Variants in PDSS2 observed in about 807,000 individuals in gnomAD.
PDSS2 encodes decaprenyl diphosphate synthase subunit 2.
In PDSS2, 31 loss-of-function variants were observed where a neutral mutation model predicts 44.5. That is an observed-to-expected ratio of 0.70 (90% CI 0.52 to 0.94). The LOEUF (loss-of-function observed/expected upper bound fraction) is 0.94, where lower values mean the gene tolerates loss of function less well. PDSS2 is among the 40% of genes least tolerant of loss of function. The pLI is 0.00. For missense variants in PDSS2, 452 were observed against 482.2 expected (o/e 0.94, Z 0.59); for synonymous variants, 157 against 180.3 (o/e 0.87, Z 1.03).
intron 7 of PDSS2, among the ~76,000 whole-genome samples, chr6:107,178,372 T>C (rs1771865160): frequency 6.6e-6 from 1 of 152,206 alleles, no homozygotes; most frequent in Non-Finnish European, 1.5e-5. Context: ...CTTCCAAATG[T>C]AGGAGGTCTC....
intron 6 of PDSS2, among the ~76,000 whole-genome samples, chr6:107,198,773 T>G (rs2114557012): frequency 6.6e-6 from 1 of 150,884 alleles, no homozygotes; most frequent in East Asian, 2.0e-4. Context: ...TTGGGCAACA[T>G]GGTGAGAAAC....
At chr6:107,446,371 A>G (rs1040200324) in intron 1 of PDSS2, among the ~76,000 whole-genome samples, 1 of 152,060 alleles carries the variant, frequency 6.6e-6, no homozygotes, top group South Asian at 2.1e-4. Context: ...CAGAAACACT[A>G]CAGAGTCCCA....
At chr6:107,157,907 G>A (rs1405143982) in intron 7 of PDSS2, among the ~76,000 whole-genome samples, 1 of 151,690 alleles carries the variant, frequency 6.6e-6, no homozygotes, top group Non-Finnish European at 1.5e-5. Flanking sequence ...TCCTGACCTC[G>A]TGATCTGCCT....
chr6:107,210,138 C>T (rs188355505), intron 6 of PDSS2, among the ~76,000 whole-genome samples: 1 of 151,998 alleles, frequency 6.6e-6, no homozygotes. Context: ...ATTACCATAG[C>T]CCAATTTTTG....
At chr6:107,304,633 T>C (rs1005118795) in intron 2 of PDSS2, among the ~76,000 whole-genome samples, 2 of 152,216 alleles carry the variant, frequency 1.3e-5, no homozygotes, top group Non-Finnish European at 2.9e-5. Flanking sequence ...CAAAGTGTCA[T>C]GGGGGTTAAA....
intron 1 of PDSS2, among the ~76,000 whole-genome samples, chr6:107,354,099 G>A (rs1347358030): frequency 6.6e-6 from 1 of 152,100 alleles, no homozygotes; most frequent in Non-Finnish European, 1.5e-5. Flanking sequence ...AATTTAGACT[G>A]ATGTAATGAA....
intron 2 of PDSS2, among the ~76,000 whole-genome samples, chr6:107,280,367 G>C (rs1775922413): frequency 6.6e-6 from 1 of 152,100 alleles, no homozygotes; most frequent in South Asian, 2.1e-4. Flanking sequence ...GGGCCCTCAT[G>C]CTAACTCTTG....
chr6:107,169,989 C>T (rs537313241), intron 7 of PDSS2, among the ~76,000 whole-genome samples: 63 of 152,290 alleles, frequency 4.1e-4, no homozygotes, highest in African/African-American at 1.4e-3. Flanking sequence ...GGGAGAACCA[C>T]TACTCTCTTC....
chr6:107,327,708 C>T (rs764103536), intron 2 of PDSS2, among the ~76,000 whole-genome samples: 1 of 152,236 alleles, frequency 6.6e-6, no homozygotes, highest in Admixed American at 6.5e-5. Flanking sequence ...CCACCTGCCT[C>T]GGCCTCCCAA....
At chr6:107,396,927 AGTG>A (rs1779966990) in intron 1 of PDSS2, among the ~76,000 whole-genome samples, 1 of 151,930 alleles carries the variant, frequency 6.6e-6, no homozygotes, top group Non-Finnish European at 1.5e-5. Flanking sequence ...TCCAAGCTCA[AGTG>A]ATCCTCCCAC....
At chr6:107,208,412 T>G (rs1399260232) in intron 6 of PDSS2, among the ~76,000 whole-genome samples, 1 of 147,008 alleles carries the variant, frequency 6.8e-6, no homozygotes, top group Non-Finnish European at 1.5e-5. Context: ...TTCTTGTGCC[T>G]CAGCCACCTG....
Position 107,459,240 on chromosome 6 carries a change from C to T in PDSS2, c.46G>A (p.Ala16Thr), listed in dbSNP as rs2114904501. The stretch of plus-strand genomic sequence containing the variant: ...CACAGGCGACGCGGGGAACCCGAGG[C>T]TCCAAGATAACGTGGCAAGTGCAAC... ...LLLHLPRYLG[A>T]SGSPRRLWWS... Residue 16 changes from alanine to threonine, a missense_variant, in exon 1 of 8, where the codon GCC (alanine) becomes ACC (threonine). Coordinates refer to ENST00000369037, the MANE Select transcript of PDSS2 (RefSeq NM_020381.4). This position sits in a 1 kb window ranked among gnomAD's most constrained non-coding sequence, Gnocchi z 4.3. 6.2e-7 allele frequency: 1 copy of T among 1,614,142 alleles called. No homozygotes were observed. Among genetic ancestry groups the T allele is most frequent in the African/African-American group, 1.3e-5 (1 of 75,040 alleles).
At chr6:107,408,999 G>C (rs1215008874) in intron 1 of PDSS2, among the ~76,000 whole-genome samples, 2 of 152,054 alleles carry the variant, frequency 1.3e-5, no homozygotes, top group Non-Finnish European at 2.9e-5. Flanking sequence ...ATAAGTCAAA[G>C]GCATAAACTG....
intron 1 of PDSS2, among the ~76,000 whole-genome samples, chr6:107,394,797 G>A (rs1253252362): frequency 1.3e-5 from 2 of 151,986 alleles, no homozygotes; most frequent in African/African-American, 2.4e-5. Context: ...ACAATATATT[G>A]CTGGGTTTTT....
chr6:107,423,890 A>C (rs1178735084), intron 1 of PDSS2, among the ~76,000 whole-genome samples: 1 of 151,914 alleles, frequency 6.6e-6, no homozygotes, highest in Non-Finnish European at 1.5e-5. Flanking sequence ...AATTCTACCC[A>C]TTTCCAGCAG....
intron 2 of PDSS2, among the ~76,000 whole-genome samples, chr6:107,280,810 G>C (rs1219569591): frequency 6.6e-6 from 1 of 152,166 alleles, no homozygotes; most frequent in Non-Finnish European, 1.5e-5. Flanking sequence ...GCAGACAAGG[G>C]AGATAAAAGA....
intron 3 of PDSS2, among the ~76,000 whole-genome samples, chr6:107,260,713 G>C (rs1775187507): frequency 6.9e-6 from 1 of 144,758 alleles, no homozygotes; most frequent in East Asian, 2.0e-4. Flanking sequence ...GCCCAGGCTG[G>C]AGTGCAGTGG....
Position 107,211,991 on chromosome 6 carries a change from T to G in PDSS2, c.876+118A>C, listed in dbSNP as rs543617485. ...AACAATCATCCAGGACTGACAGATT[T>G]GAACCACACAATAAGCATTTTTGAA... is the stretch of plus-strand genomic sequence containing the variant. On this transcript the variant is annotated intron_variant, in intron 5 of 7. Transcript: ENST00000369037. 9.8e-5 allele frequency: 82 copies of G among 840,052 alleles called. No individual in the cohort carries two copies. In the East Asian group the frequency reaches 2.0e-3, roughly 20 times the overall value. The allele number at this position is 840,052 out of a possible 1,614,324, so 52.0% of individuals were successfully genotyped here. A position where few individuals can be genotyped will look rare whatever the true frequency, so the allele number is the denominator to read the frequency against.
At chr6:107,300,325 A>C (rs2115059932) in intron 2 of PDSS2, among the ~76,000 whole-genome samples, 1 of 152,086 alleles carries the variant, frequency 6.6e-6, no homozygotes, top group African/African-American at 2.4e-5. Flanking sequence ...CAACTGCACG[A>C]CCCCTACTAC....
Sources: allele counts gnomAD v4.1 joint callset (sites outside exome capture counted in the v4.1 genomes callset), GRCh38; gene constraint gnomAD v4.1.1; non-coding constraint Gnocchi (gnomAD v3.1); transcripts MANE v1.5; gene names NCBI Gene and HGNC (gene_info 2026-07-23, HGNC 2026-07-21).